The following HS3ST4 variants were observed in gnomAD, a reference collection of about 807,000 sequenced individuals.
The protein encoded by HS3ST4 is heparan sulfate-glucosamine 3-sulfotransferase 4, also known as heparan sulfate glucosamine 3-O-sulfotransferase 4.
A neutral mutation model predicts 29.2 loss-of-function variants in HS3ST4; 17 were observed. That is an observed-to-expected ratio of 0.58 (90% CI 0.40 to 0.87). HS3ST4 has a LOEUF of 0.87. Ranked by LOEUF, HS3ST4 falls within the 40% of genes least tolerant of loss-of-function variation. The pLI is 0.00. For synonymous variants in HS3ST4, 314 were observed against 285.7 expected (o/e 1.10, Z -1.00); for missense variants, 627 against 634.5 (o/e 0.99, Z 0.13).
chr16:25,873,520 A>C (rs368978696), intron 1 of HS3ST4, among the ~76,000 whole-genome samples: 1 of 142,436 alleles, frequency 7.0e-6, no homozygotes, highest in African/African-American at 2.7e-5. Flanking sequence ...CTATCTATCT[A>C]TCTGTCTATC....
At chr16:25,695,344 C>T (rs1180428291) in intron 1 of HS3ST4, among the ~76,000 whole-genome samples, 1 of 152,238 alleles carries the variant, frequency 6.6e-6, no homozygotes, top group Non-Finnish European at 1.5e-5. Flanking sequence ...TAGGAACAAG[C>T]TTCCTGCCAA....
At chr16:25,878,060 C>T (rs1440025956) in intron 1 of HS3ST4, among the ~76,000 whole-genome samples, 1 of 152,284 alleles carries the variant, frequency 6.6e-6, no homozygotes, top group Non-Finnish European at 1.5e-5. Flanking sequence ...AGTGCTGAAT[C>T]TGGAGTCAGA....
At chr16:25,794,942 T>C (rs1441722920) in intron 1 of HS3ST4, among the ~76,000 whole-genome samples, 27 of 134,470 alleles carry the variant, frequency 2.0e-4, no homozygotes, top group African/African-American at 3.4e-4. Flanking sequence ...CACACACATA[T>C]ATATTCATAA....
intron 1 of HS3ST4, among the ~76,000 whole-genome samples, chr16:25,699,525 G>C (rs1290536362): frequency 6.6e-6 from 1 of 152,210 alleles, no homozygotes; most frequent in Non-Finnish European, 1.5e-5. Context: ...GTCGTATTAA[G>C]ATCTTAGAGT....
intron 1 of HS3ST4, among the ~76,000 whole-genome samples, chr16:25,823,920 C>A (rs1184116626): frequency 2.0e-5 from 3 of 152,084 alleles, no homozygotes; most frequent in Non-Finnish European, 4.4e-5. Context: ...TGACTTAAAT[C>A]AGAAAGTAAT....
chr16:25,824,768 A>C (rs927561467), intron 1 of HS3ST4: 4 of 152,210 alleles, frequency 2.6e-5, no homozygotes, highest in Non-Finnish European at 1.5e-5. Context: ...CACATATAGA[A>C]GTCTTTGGTC....
intron 1 of HS3ST4, among the ~76,000 whole-genome samples, chr16:25,775,126 A>G (rs1000777015): frequency 2.6e-5 from 4 of 152,194 alleles, no homozygotes; most frequent in African/African-American, 9.6e-5. Context: ...GAGGAGCAGA[A>G]GTGCATTTCA....
intron 1 of HS3ST4, among the ~76,000 whole-genome samples, chr16:25,921,288 A>G (rs1968350322): frequency 6.6e-6 from 1 of 152,200 alleles, no homozygotes; most frequent in Non-Finnish European, 1.5e-5. Flanking sequence ...GCATCCATAC[A>G]AATTTACTGA....
chr16:25,803,044 C>G (rs1033881021), intron 1 of HS3ST4, among the ~76,000 whole-genome samples: 1 of 151,368 alleles, frequency 6.6e-6, no homozygotes, highest in South Asian at 2.1e-4. Flanking sequence ...CCTCTCTTCT[C>G]ATCTATATAG....
chr16:26,054,491 C>T (rs1262404015), intron 1 of HS3ST4, among the ~76,000 whole-genome samples: 2 of 152,112 alleles, frequency 1.3e-5, no homozygotes, highest in Non-Finnish European at 2.9e-5. Context: ...ATCAAGGGGC[C>T]AGGGAAGTAG....
chr16:25,747,337 C>T (rs1162556920), intron 1 of HS3ST4, among the ~76,000 whole-genome samples: 2 of 152,206 alleles, frequency 1.3e-5, no homozygotes, highest in East Asian at 3.9e-4. Flanking sequence ...AATGGCTTGT[C>T]TTCAGCACCG....
intron 1 of HS3ST4, among the ~76,000 whole-genome samples, chr16:25,790,548 C>T (rs2141619551): frequency 6.6e-6 from 1 of 152,338 alleles, no homozygotes; most frequent in Non-Finnish European, 1.5e-5. Context: ...TCTTCACCAG[C>T]ACTTGGTATT....
chr16:25,764,614 T>C (rs1162898909), intron 1 of HS3ST4, among the ~76,000 whole-genome samples: 1 of 152,240 alleles, frequency 6.6e-6, no homozygotes, highest in East Asian at 1.9e-4. Flanking sequence ...TCTCACTGGC[T>C]TAATTCTACA....
intron 1 of HS3ST4, among the ~76,000 whole-genome samples, chr16:25,769,048 A>T (rs183232454): frequency 4.6e-5 from 7 of 152,224 alleles, no homozygotes; most frequent in African/African-American, 1.4e-4. Flanking sequence ...TGGGTTCAAA[A>T]CTGTGTTGGG....
chr16:25,875,481 T>A (rs1967821177), intron 1 of HS3ST4, among the ~76,000 whole-genome samples: 1 of 152,158 alleles, frequency 6.6e-6, no homozygotes, highest in South Asian at 2.1e-4. Flanking sequence ...CTACATTCCC[T>A]GTGTGAAATG....
At chr16:25,735,662 G>T (rs547498860) in intron 1 of HS3ST4, among the ~76,000 whole-genome samples, 1 of 152,290 alleles carries the variant, frequency 6.6e-6, no homozygotes, top group Admixed American at 6.5e-5. Context: ...AAGTGCTGGG[G>T]ATTACGGGTA....
At chr16:25,966,986 C>A (rs1047119663) in intron 1 of HS3ST4, among the ~76,000 whole-genome samples, 18 of 152,088 alleles carry the variant, frequency 1.2e-4, no homozygotes, top group African/African-American at 3.9e-4. Flanking sequence ...TCACCTGGAA[C>A]CTGTTAGAAA....
chr16:25,906,174 C>T (rs762755627), intron 1 of HS3ST4, among the ~76,000 whole-genome samples: 46 of 152,266 alleles, frequency 3.0e-4, no homozygotes, highest in Non-Finnish European at 5.0e-4. Context: ...ATTTGGGGAT[C>T]TTTTGTCCTT....
At chr16:25,818,005 G>A (rs1967111977) in intron 1 of HS3ST4, among the ~76,000 whole-genome samples, 1 of 152,156 alleles carries the variant, frequency 6.6e-6, no homozygotes, top group Admixed American at 6.6e-5. Flanking sequence ...TCCTTGTCTT[G>A]ACACCACTGT....
Sources: allele counts gnomAD v4.1 joint callset (sites outside exome capture counted in the v4.1 genomes callset), GRCh38; gene constraint gnomAD v4.1.1; transcripts MANE v1.5; gene names NCBI Gene and HGNC (gene_info 2026-07-23, HGNC 2026-07-21).